Variants in NKAIN1 observed in about 807,000 individuals in gnomAD.
The protein encoded by NKAIN1 is sodium/potassium-transporting ATPase subunit beta-1-interacting protein 1.
In NKAIN1, 13 loss-of-function variants were observed where a neutral mutation model predicts 31.6. The observed-to-expected ratio is 0.41, with a 90% CI of 0.27 to 0.65. The LOEUF (loss-of-function observed/expected upper bound fraction) is 0.65, where lower values mean the gene tolerates loss of function less well. NKAIN1 is among the 30% of genes least tolerant of loss of function. The probability of loss-of-function intolerance (pLI) is 0.30; values close to 1 mark genes in which losing one functional copy is unlikely to be tolerated. For missense variants in NKAIN1, 193 were observed against 262.2 expected (o/e 0.74, Z 1.82); for synonymous variants, 104 against 109.0 (o/e 0.95, Z 0.28).
intron 4 of NKAIN1, 152 bp from the exon 5 acceptor site, chr1:31,182,742 T>C (rs1041437618): frequency 1.4e-6 from 1 of 713,942 alleles, no homozygotes; most frequent in Non-Finnish European, 2.4e-6. Flanking sequence ...GTTTTCACCT[T>C]AAAGTCAAAC....
intron 1 of NKAIN1, among the ~76,000 whole-genome samples, chr1:31,202,570 A>G (rs10914318): frequency 0.75 from 112,999 of 150,208 alleles, 42,941 homozygotes; most frequent in Middle Eastern, 0.9. Context: ...CCAGCTACTC[A>G]GGAGGCTGAG....
At chr1:31,212,397 A>C (rs1237275083) in intron 1 of NKAIN1, among the ~76,000 whole-genome samples, 1 of 66,964 alleles carries the variant, frequency 1.5e-5, no homozygotes, top group Non-Finnish European at 4.0e-5. Flanking sequence ...ATTAGGTAAT[A>C]GTTTCTTTTT....
chr1:31,194,303 TCCTCTCTG>T (rs1184755541), intron 1 of NKAIN1, among the ~76,000 whole-genome samples: 1 of 151,902 alleles, frequency 6.6e-6, no homozygotes, highest in Non-Finnish European at 1.5e-5. Flanking sequence ...TGCCCATCAG[TCCTCTCTG>T]CCTTTGATCT....
intron 6 of NKAIN1, 60 bp downstream of exon 6, chr1:31,181,800 C>T: frequency 6.4e-7 from 1 of 1,566,074 alleles, no homozygotes; most frequent in Non-Finnish European, 8.7e-7. Flanking sequence ...TCCTCCATCC[C>T]CTCCTTTTCG....
intron 1 of NKAIN1, among the ~76,000 whole-genome samples, chr1:31,218,778 A>G (rs780977309): frequency 6.6e-6 from 1 of 152,200 alleles, no homozygotes; most frequent in Non-Finnish European, 1.5e-5. Flanking sequence ...ATAGTCGACA[A>G]CCACAGTGTG....
At chr1:31,215,206 G>A (rs942006068) in intron 1 of NKAIN1, among the ~76,000 whole-genome samples, 8 of 152,120 alleles carry the variant, frequency 5.3e-5, no homozygotes, top group East Asian at 1.9e-4. Context: ...TTCTCCTTCC[G>A]ACTAAAAGCC....
chr1:31,217,074 C>T (rs1266389768), intron 1 of NKAIN1, among the ~76,000 whole-genome samples: 1 of 152,236 alleles, frequency 6.6e-6, no homozygotes, highest in Non-Finnish European at 1.5e-5. Flanking sequence ...CCATGTTGGC[C>T]AGGCTGGTCT....
chr1:31,218,945 G>T (rs1245541667), intron 1 of NKAIN1, among the ~76,000 whole-genome samples: 1 of 152,206 alleles, frequency 6.6e-6, no homozygotes, highest in East Asian at 1.9e-4. Flanking sequence ...GTGACAGGCT[G>T]AGCAGCTGGC....
At chr1:31,200,826 T>C (rs1009707560) in intron 1 of NKAIN1, among the ~76,000 whole-genome samples, 19 of 150,308 alleles carry the variant, frequency 1.3e-4, no homozygotes, top group Admixed American at 1.1e-3. Flanking sequence ...ATTCGTCTTA[T>C]AAACATTTCT....
chr1:31,198,788 A>T (rs572421313), intron 1 of NKAIN1, among the ~76,000 whole-genome samples: 1 of 142,154 alleles, frequency 7.0e-6, no homozygotes, highest in African/African-American at 2.6e-5. Flanking sequence ...TTGCCATAGG[A>T]ACCTTCAGCC....
At chr1:31,211,873 C>T (rs574202137) in intron 1 of NKAIN1, among the ~76,000 whole-genome samples, 141 of 152,098 alleles carry the variant, frequency 9.3e-4, no homozygotes, top group African/African-American at 3.2e-3. Flanking sequence ...ACCCAGGAGG[C>T]GGAGGTTGCA....
intron 1 of NKAIN1, among the ~76,000 whole-genome samples, chr1:31,237,776 A>G (rs1645703040): frequency 6.6e-6 from 1 of 152,158 alleles, no homozygotes; most frequent in South Asian, 2.1e-4. Context: ...GGTTACAGGC[A>G]TAAGCCACGA....
chr1:31,194,767 CTTTTTTTTTTT>C (rs35385145), intron 1 of NKAIN1, among the ~76,000 whole-genome samples: 6 of 99,400 alleles, frequency 6.0e-5, no homozygotes, highest in African/African-American at 1.7e-4. Context: ...CTCTCTCTCT[CTTTTTTTTTTT>C]TTTTTTTTTT....
chr1:31,225,035 T>TTTC (rs796954630), intron 1 of NKAIN1, among the ~76,000 whole-genome samples: 1 of 139,382 alleles, frequency 7.2e-6, no homozygotes, highest in East Asian at 2.1e-4. Flanking sequence ...TTTCTTTTCT[T>TTTC]TTTTTTTTTT....
chr1:31,194,708 G>A (rs1028805987), intron 1 of NKAIN1, among the ~76,000 whole-genome samples: 19 of 144,060 alleles, frequency 1.3e-4, no homozygotes, highest in Middle Eastern at 4.8e-3. Flanking sequence ...CACCTGGCCT[G>A]CTTTCTTTTT....
chr1:31,190,363 A>G (rs1570452468), intron 1 of NKAIN1, among the ~76,000 whole-genome samples: 1 of 152,296 alleles, frequency 6.6e-6, no homozygotes, highest in East Asian at 1.9e-4. Context: ...CAGATTGTAA[A>G]GCTCATCTCT....
At chr1:31,192,727 T>G (rs1316034155) in intron 1 of NKAIN1, among the ~76,000 whole-genome samples, 1 of 151,912 alleles carries the variant, frequency 6.6e-6, no homozygotes, top group Non-Finnish European at 1.5e-5. Flanking sequence ...ATTTTTGTAT[T>G]TTTTGTAGAG....
In NKAIN1 at chr1:31,233,202, G is replaced by A. The variant is rs1012232268; in HGVS notation, c.54+6292C>T. Among the ~76,000 whole-genome samples the A allele has an allele frequency of 6.6e-6, 1 of 151,998 alleles. No homozygotes were observed. The highest frequency in any genetic ancestry group is 1.5e-5 in the Non-Finnish European group (1 of 67,984). ...TGATCTCAAGTGATCTGCATGCCTC[G>A]GCCTCCCAAAGTGCTGGGATTACAG... On this transcript the variant is annotated intron_variant, in intron 1 of 6. Coordinates refer to ENST00000373736, the MANE Select transcript of NKAIN1 (RefSeq NM_024522.3). The surrounding 1 kb of genome is among the most constrained non-coding windows in gnomAD (Gnocchi z 4.0).
intron 1 of NKAIN1, among the ~76,000 whole-genome samples, chr1:31,231,776 C>T (rs938159085): frequency 3.3e-5 from 5 of 152,252 alleles, no homozygotes; most frequent in East Asian, 1.9e-4. Flanking sequence ...GTGATCCGCC[C>T]GCCTTGGCCT....
Sources: allele counts gnomAD v4.1 joint callset (sites outside exome capture counted in the v4.1 genomes callset), GRCh38; gene constraint gnomAD v4.1.1; non-coding constraint Gnocchi (gnomAD v3.1); transcripts MANE v1.5; gene names NCBI Gene and HGNC (gene_info 2026-07-23, HGNC 2026-07-21).